The following LPIN2 variants were observed in gnomAD, a reference collection of about 807,000 sequenced individuals.
The protein encoded by LPIN2 is phosphatidate phosphatase LPIN2.
A neutral mutation model predicts 111.4 loss-of-function variants in LPIN2; 55 were observed. The observed-to-expected ratio is 0.49, with a 90% confidence interval of 0.40 to 0.62. The LOEUF (loss-of-function observed/expected upper bound fraction) is 0.62, where lower values mean the gene tolerates loss of function less well. Ranked by LOEUF, LPIN2 falls within the 20% of genes least tolerant of loss-of-function variation. The pLI, the probability that LPIN2 is intolerant of heterozygous loss-of-function variation, is 0.00. For missense variants in LPIN2, 992 were observed against 1,112.1 expected, an observed-to-expected ratio of 0.89 and a Z score of 1.54; for synonymous variants, 425 against 414.0, an observed-to-expected ratio of 1.03 and a Z score of -0.32.
At chr18:2,958,859 A>T (rs957997213) in intron 2 of LPIN2, among the ~76,000 whole-genome samples, 2 of 152,182 alleles carry the variant, frequency 1.3e-5, no homozygotes, top group East Asian at 1.9e-4. Flanking sequence ...ATGCTTATAA[A>T]TACATCTGCC....
intron 16 of LPIN2, 127 bp downstream of exon 16, chr18:2,923,648 G>A (rs1568511420): frequency 2.4e-6 from 2 of 842,836 alleles, no homozygotes; most frequent in Non-Finnish European, 2.0e-6. Context: ...AAAGGAGTGA[G>A]GAAGAGCGGG....
At position 2,925,116 on chromosome 18, in the gene LPIN2, G is replaced by A. The variant is rs1201545359; in HGVS notation, c.1938+108C>T. The A allele has an allele frequency of 1.4e-5, 19 of 1,394,506 alleles. 1 individual carries two copies. The highest frequency in any genetic ancestry group is 4.7e-5 in the South Asian group (4 of 84,890). 86.4% of individuals were successfully genotyped at this position (1,394,506 alleles called of 1,614,324 possible). On this transcript the variant is annotated intron_variant, in intron 14 of 19. Transcript: ENST00000677752. This position sits in a 1 kb window ranked among gnomAD's most constrained non-coding sequence, Gnocchi z 4.1. The stretch of plus-strand genomic sequence containing the variant: ...GGATAGGCATTGACACGACCATGCC[G>A]TGTGGCGTGTATGCAGCTGGGGACG...
chr18:2,917,282 G>A lies in LPIN2; in HGVS notation c.*3011C>T, dbSNP rs1166856123. The A allele has an allele frequency of 6.6e-6, 1 of 152,202 alleles. No homozygotes were observed. The highest frequency in any genetic ancestry group is 1.5e-5 in the Non-Finnish European group (1 of 68,030). The allele number at this position is 152,202 out of a possible 1,614,324, so 9.4% of individuals were successfully genotyped here. ...AAAGAGTAGTTTTCATCTGGAAAGA[G>A]CACTTACTTCAGGGAAAGACTCAAT... On this transcript the variant is annotated 3_prime_UTR_variant, in exon 20 of 20. Transcript: ENST00000677752.
rs1390304788 is a variant in LPIN2, at chr18:2,939,490, T to C, written c.812A>G (p.Glu271Gly). ...HMEWTWGGFP[E>G]STKVSKRERS... ...AGTAAACCCTAGTACCTTGGTGGAC[T>C]CTGGGAATCCGCCCCACGTCCACTC... Residue 271 changes from glutamate (E) to glycine (G), a missense_variant, in exon 6 of 20, where the codon GAG becomes GGG. Physicochemically the swap from Glu to Gly is moderately conservative, Grantham distance 98. Around this residue, in one of 4 missense-constraint regions of LPIN2, gnomAD observed 709 missense variants for 753.2 expected, o/e 0.94. Coordinates refer to ENST00000677752, the MANE Select transcript of LPIN2 (RefSeq NM_001375808.2). 6.2e-7 allele frequency: 1 copy of C among 1,613,916 alleles called. No homozygotes were observed. Among genetic ancestry groups the C allele is most frequent in the East Asian group, 2.2e-5 (1 of 44,870 alleles).
intron 1 of LPIN2, among the ~76,000 whole-genome samples, chr18:3,010,792 G>A (rs1487209311): frequency 1.3e-5 from 2 of 152,052 alleles, no homozygotes; most frequent in Non-Finnish European, 2.9e-5. Context: ...TATATATTAG[G>A]AAATAAGTAC....
At chr18:2,973,656 C>T in intron 1 of LPIN2, among the ~76,000 whole-genome samples, 1 of 152,180 alleles carries the variant, frequency 6.6e-6, no homozygotes, top group South Asian at 2.1e-4. Context: ...CCCCCTTATC[C>T]AAAATGCTCA....
Position 3,001,126 on chromosome 18 carries a change from A to G in LPIN2, c.-10+11961T>C, listed in dbSNP as rs200042505. ...AGTTGGGTAGGAGGCTCAAATAAAG[A>G]CATTTTCAGACACGTAAGCTCTCAA... On this transcript the variant is annotated intron_variant, in intron 1 of 19. Coordinates refer to ENST00000677752, the MANE Select transcript of LPIN2 (RefSeq NM_001375808.2). 1.1e-4 allele frequency among the ~76,000 whole-genome samples: 16 copies of G among 152,298 alleles called. No homozygotes were observed. The East Asian group carries it at 2.9e-3, about 27-fold the overall frequency.
At position 2,940,592 on chromosome 18, in the gene LPIN2, CAA is replaced by C. The variant is rs1192304879; in HGVS notation, c.698+11_698+12del. On this transcript the variant is annotated intron_variant, in intron 5 of 19. Coordinates refer to ENST00000677752, the MANE Select transcript of LPIN2 (RefSeq NM_001375808.2). ...CCTCTTTCAAGAAACCAAGAAATTT[CAA>C]AGATACTTACGTCTCTAAAGGGGAC... 1.3e-6 allele frequency: 2 copies of C among 1,534,912 alleles called. No individual in the cohort carries two copies. The highest frequency in any genetic ancestry group is 2.7e-5 in the African/African-American group (2 of 73,210).
At chr18:2,994,037 G>A (rs2078304423) in intron 1 of LPIN2, among the ~76,000 whole-genome samples, 1 of 152,192 alleles carries the variant, frequency 6.6e-6, no homozygotes, top group Admixed American at 6.5e-5. Flanking sequence ...CCCAGCCAAA[G>A]TAGTTAAAAC....
chr18:2,924,599 C>T (rs1490934316), intron 14 of LPIN2, 53 bp from the exon 15 acceptor site: 24 of 1,591,020 alleles, frequency 1.5e-5, no homozygotes, highest in Admixed American at 3.3e-5. Context: ...TAGTTTGAAA[C>T]GATTTAAAAA....
intron 2 of LPIN2, among the ~76,000 whole-genome samples, chr18:2,959,304 G>C (rs1203128896): frequency 6.6e-6 from 1 of 152,134 alleles, no homozygotes; most frequent in Admixed American, 6.6e-5. Context: ...AGAATATCTA[G>C]TTTTGTGAAA....
Position 2,940,639 on chromosome 18 carries a change from G to T in LPIN2, c.664C>A (p.Pro222Thr). ...PLLFHSGDHYPLSDGDWSPLE... is the reference protein window; with the variant it reads ...PLLFHSGDHYTLSDGDWSPLE... ...GGGGACCAATCTCCATCAGATAAGG[G>T]GTAATGATCCCCAGAATGGAAGAGC... Residue 222 changes from proline (P) to threonine (T), a missense_variant, in exon 5 of 20, where the codon CCC (proline) becomes ACC (threonine). By Grantham distance (38) the Pro-to-Thr change is conservative. Around this residue, in one of 4 missense-constraint regions of LPIN2, gnomAD observed 709 missense variants for 753.2 expected, o/e 0.94. Transcript: ENST00000677752. 6 of 1,612,988 alleles carry T rather than the reference G, an allele frequency of 3.7e-6. No individual in the cohort carries two copies. Among genetic ancestry groups the T allele is most frequent in the South Asian group, 1.1e-5 (1 of 91,052 alleles).
chr18:2,943,131 C>T (rs2077388799), intron 4 of LPIN2, among the ~76,000 whole-genome samples: 1 of 152,034 alleles, frequency 6.6e-6, no homozygotes. Flanking sequence ...TATATGACTG[C>T]CAAAATGCAC....
At chr18:2,994,797 G>A (rs7359733) in intron 1 of LPIN2, among the ~76,000 whole-genome samples, 2,369 of 152,234 alleles carry the variant, frequency 0.016, 64 homozygotes, top group African/African-American at 0.053. Flanking sequence ...TGTCCCCGGC[G>A]GCGGGTGGGG....
intron 2 of LPIN2, 89 bp downstream of exon 2, chr18:2,960,558 CAT>C: frequency 4.7e-6 from 6 of 1,268,492 alleles, no homozygotes; most frequent in Non-Finnish European, 6.9e-6. Context: ...GCGATTTATT[CAT>C]AGAGGATGAC....
chr18:2,932,409 T>C (rs1490975585), intron 8 of LPIN2, among the ~76,000 whole-genome samples: 1 of 152,244 alleles, frequency 6.6e-6, no homozygotes, highest in Non-Finnish European at 1.5e-5. Flanking sequence ...ATGTTTTAAC[T>C]AGGTAACAGT....
intron 4 of LPIN2, among the ~76,000 whole-genome samples, chr18:2,949,572 A>C (rs2077503048): frequency 6.6e-6 from 1 of 152,206 alleles, no homozygotes. Context: ...CACCACAGAC[A>C]TGACAGCTAG....
rs771059835 is a variant in LPIN2, at chr18:2,937,751, G to A, written c.1109C>T (p.Ala370Val). Residue 370 changes from alanine to valine, a missense_variant, in exon 7 of 20, where the codon GCG becomes GTG. This residue lies in a region of LPIN2 where 709 missense variants were observed against 753.2 expected (regional missense o/e 0.94). Transcript: ENST00000677752. Reference protein sequence around the residue: ...DADHLPNAALAEAPSESKPAA... With the variant: ...DADHLPNAALVEAPSESKPAA... ...CGGTTTGGATTCTGAGGGCGCCTCC[G>A]CTAAGGCTGCGTTGGGAAGGTGGTC... 25 of 1,613,942 alleles carry A rather than the reference G, an allele frequency of 1.5e-5. No homozygotes were observed. The Admixed American group carries it at 3.3e-4, about 22-fold the overall frequency.
At chr18:2,999,024 G>A (rs949443985) in intron 1 of LPIN2, among the ~76,000 whole-genome samples, 1 of 152,158 alleles carries the variant, frequency 6.6e-6, no homozygotes, top group African/African-American at 2.4e-5. Context: ...GTTTCTTTCT[G>A]ATCATTAGTG....
Sources: gnomAD v4.1 joint callset for allele counts (sites outside exome capture counted in the v4.1 genomes callset) on GRCh38, gnomAD v4.1.1 for gene constraint, gnomAD v4.1.1 regional missense constraint, Gnocchi (gnomAD v3.1) non-coding constraint, MANE v1.5 for transcripts, NCBI Gene and HGNC (gene_info 2026-07-23, HGNC 2026-07-21) for gene names.